The following TRDMT1 variants were observed in gnomAD, a reference collection of about 807,000 sequenced individuals.
The protein encoded by TRDMT1 is tRNA aspartic acid methyltransferase 1.
In TRDMT1, 49 loss-of-function variants were observed where a neutral mutation model predicts 51.2. The observed-to-expected ratio is 0.96, with a 90% CI of 0.76 to 1.21. The LOEUF (loss-of-function observed/expected upper bound fraction) is 1.21. Ranked by LOEUF, TRDMT1 falls within the 50% of genes most tolerant of loss-of-function variation. TRDMT1 has a pLI of 0.00. For missense variants in TRDMT1, 534 were observed against 462.3 expected (o/e 1.16, Z -1.42); for synonymous variants, 187 against 164.6 (o/e 1.14, Z -1.04).
At chr10:17,195,988 A>G (rs1273555792) in intron 1 of TRDMT1, among the ~76,000 whole-genome samples, 1 of 152,246 alleles carries the variant, frequency 6.6e-6, no homozygotes, top group African/African-American at 2.4e-5. Flanking sequence ...CTGATGCTAT[A>G]AAAATATCCT....
chr10:17,167,682 A>T (rs528518623), intron 3 of TRDMT1, among the ~76,000 whole-genome samples: 6 of 152,330 alleles, frequency 3.9e-5, no homozygotes, highest in Admixed American at 2.0e-4. Context: ...GTTGCTATGA[A>T]AAGTCAGAAT....
intron 1 of TRDMT1, among the ~76,000 whole-genome samples, chr10:17,179,859 T>A (rs1016751344): frequency 4.0e-5 from 6 of 151,664 alleles, no homozygotes; most frequent in African/African-American, 1.5e-4. Flanking sequence ...AACCCTAGAA[T>A]GAAAGAGAGA....
rs1258777533 is a variant in TRDMT1, at chr10:17,142,921, C to G, written c.*6119G>C. 1.1e-6 allele frequency: 1 copy of G among 892,140 alleles called. No individual in the cohort carries two copies. Among genetic ancestry groups the G allele is most frequent in the African/African-American group, 1.8e-5 (1 of 55,346 alleles). 55.3% of individuals were successfully genotyped at this position (892,140 alleles called of 1,614,324 possible). On this transcript the variant is annotated 3_prime_UTR_variant, in exon 11 of 11. Coordinates refer to ENST00000377799, the MANE Select transcript of TRDMT1 (RefSeq NM_004412.7). ...TACTTACCCAGAGTTTATAATTACACTTTTCAGGGAGGAGCAGGGAGAAAT... is the reference window on the plus strand; with the variant it reads ...TACTTACCCAGAGTTTATAATTACAGTTTTCAGGGAGGAGCAGGGAGAAAT...
Position 17,143,153 on chromosome 10 carries a change from A to T in TRDMT1, c.*5887T>A. On this transcript the variant is annotated 3_prime_UTR_variant, in exon 11 of 11. Coordinates refer to ENST00000377799, the MANE Select transcript of TRDMT1 (RefSeq NM_004412.7). ...AAATAGTTTTCAAGAGAACAACTTA[A>T]AGACATTGTTTGAACTCCACAGTGT... 2.0e-6 allele frequency: 2 copies of T among 985,416 alleles called. No individual in the cohort carries two copies. Among genetic ancestry groups the T allele is most frequent in the Non-Finnish European group, 1.2e-6 (1 of 829,924 alleles). The allele number at this position is 985,416 out of a possible 1,614,324, so 61.0% of individuals were successfully genotyped here. A position where few individuals can be genotyped will look rare whatever the true frequency, so the allele number is the denominator to read the frequency against.
chr10:17,174,910 C>T (rs764834268), intron 1 of TRDMT1, among the ~76,000 whole-genome samples: 1 of 152,124 alleles, frequency 6.6e-6, no homozygotes, highest in Non-Finnish European at 1.5e-5. Context: ...TAGTGCTTAC[C>T]TCTTATATTT....
At chr10:17,154,091 A>G (rs1409541697) in intron 9 of TRDMT1, among the ~76,000 whole-genome samples, 1 of 152,222 alleles carries the variant, frequency 6.6e-6, no homozygotes, top group African/African-American at 2.4e-5. Context: ...TCTCAAATCC[A>G]GATATTCAAT....
intron 7 of TRDMT1, among the ~76,000 whole-genome samples, chr10:17,158,933 ATTGTT>A (rs1316228978): frequency 1.3e-5 from 2 of 152,268 alleles, no homozygotes; most frequent in East Asian, 3.9e-4. Flanking sequence ...AAAAAGAAAC[ATTGTT>A]TTGTTTTGTT....
At chr10:17,182,092 C>G (rs1413673015) in intron 1 of TRDMT1, among the ~76,000 whole-genome samples, 1 of 152,174 alleles carries the variant, frequency 6.6e-6, no homozygotes, top group East Asian at 1.9e-4. Flanking sequence ...TGACCCCTGG[C>G]TTTTTCTTGT....
In TRDMT1 at chr10:17,141,140, T is replaced by C. The variant is rs986038202; in HGVS notation, c.*7900A>G. Among the ~76,000 whole-genome samples the C allele has an allele frequency of 2.0e-5, 3 of 152,194 alleles. No homozygotes were observed. The highest frequency in any genetic ancestry group is 4.4e-5 in the Non-Finnish European group (3 of 68,032). ...GTGTCCCCCGCCCCATGGCAACGTGTCATTTTTCTCCAGCTGCTTTTATTT... is the reference window on the plus strand; with the variant it reads ...GTGTCCCCCGCCCCATGGCAACGTGCCATTTTTCTCCAGCTGCTTTTATTT... On this transcript the variant is annotated 3_prime_UTR_variant, in exon 11 of 11. Coordinates refer to ENST00000377799, the MANE Select transcript of TRDMT1 (RefSeq NM_004412.7).
chr10:17,182,966 T>G (rs1172414884), intron 1 of TRDMT1, among the ~76,000 whole-genome samples: 1 of 152,218 alleles, frequency 6.6e-6, no homozygotes, highest in East Asian at 1.9e-4. Context: ...ATGAACACTG[T>G]CTAATGCCAG....
rs183696328 is a variant in TRDMT1 at position 17,194,996 on chromosome 10, G to A, written c.64+6575C>T. 6.7e-5 allele frequency among the ~76,000 whole-genome samples: 10 copies of A among 148,718 alleles called. No homozygotes were observed. In the East Asian group the frequency reaches 7.8e-4, roughly 12 times the overall value. On this transcript the variant is annotated intron_variant, in intron 1 of 10. Transcript: ENST00000377799. Reference sequence around the variant, plus strand: ...TGCTGGCAAGGCTGCGGAGAAAAGGGAACCCTTATGCACTGTTGATGGGAA... The same window carrying A: ...TGCTGGCAAGGCTGCGGAGAAAAGGAAACCCTTATGCACTGTTGATGGGAA...
At position 17,138,185 on chromosome 10, in the gene TRDMT1, CTTTT is replaced by C. The variant is rs1269398660; in HGVS notation, c.*10851_*10854del. Reference sequence around the variant, plus strand: ...TTATAGCTTCAATCTGGCTTTTGTGCTTTTTTTAGTCCCTTTTCATTTTCATATC... The same window carrying C: ...TTATAGCTTCAATCTGGCTTTTGTGCTTTAGTCCCTTTTCATTTTCATATC... On this transcript the variant is annotated 3_prime_UTR_variant, in exon 11 of 11. Transcript: ENST00000377799. 6.6e-6 allele frequency among the ~76,000 whole-genome samples: 1 copy of C among 152,116 alleles called. No individual in the cohort carries two copies. The highest frequency in any genetic ancestry group is 1.5e-5 in the Non-Finnish European group (1 of 68,026).
At chr10:17,177,891 A>C (rs1842811254) in intron 1 of TRDMT1, among the ~76,000 whole-genome samples, 1 of 152,154 alleles carries the variant, frequency 6.6e-6, no homozygotes. Context: ...TAAATAAAAA[A>C]ATTTAACTGT....
rs573745144 is a variant in TRDMT1 at position 17,184,811 on chromosome 10, G to A, written c.65-10151C>T. Among the ~76,000 whole-genome samples, 53 of 152,198 alleles carry A rather than the reference G, an allele frequency of 3.5e-4. 1 individual carries two copies. The highest frequency in any genetic ancestry group is 2.5e-3 in the Admixed American group (38 of 15,284). On this transcript the variant is annotated intron_variant, in intron 1 of 10. Coordinates refer to ENST00000377799, the MANE Select transcript of TRDMT1 (RefSeq NM_004412.7). The stretch of plus-strand genomic sequence containing the variant: ...TTTCCACTAAGCCACACAGTATTCA[G>A]CATTAGGCATTCTTATTTTATTTTT...
At chr10:17,149,545 T>C (rs1318683966) in intron 10 of TRDMT1, among the ~76,000 whole-genome samples, 1 of 152,146 alleles carries the variant, frequency 6.6e-6, no homozygotes, top group Non-Finnish European at 1.5e-5. Flanking sequence ...ATTAAGAGGT[T>C]GTTAGTATAG....
intron 10 of TRDMT1, chr10:17,150,998 T>G: frequency 1.0e-6 from 1 of 983,410 alleles, no homozygotes; most frequent in Non-Finnish European, 1.2e-6. Flanking sequence ...TATATCTATG[T>G]GTGTGTGCAT....
chr10:17,144,831 G>A lies in TRDMT1; in HGVS notation c.*4209C>T. On this transcript the variant is annotated 3_prime_UTR_variant, in exon 11 of 11. Transcript: ENST00000377799. ...TACTTTTTCTTTTTTTTTTTAAACT[G>A]AAGCTTTAAAATTTCACCAGCAAAG... 1 of 984,224 alleles carries A rather than the reference G, an allele frequency of 1.0e-6. No homozygotes were observed. Among genetic ancestry groups the A allele is most frequent in the Non-Finnish European group, 1.2e-6 (1 of 829,622 alleles). The allele number at this position is 984,224 out of a possible 1,614,324, so 61.0% of individuals were successfully genotyped here.
intron 5 of TRDMT1, among the ~76,000 whole-genome samples, chr10:17,161,268 T>C (rs1489016488): frequency 2.6e-5 from 4 of 152,106 alleles, no homozygotes; most frequent in Non-Finnish European, 5.9e-5. Flanking sequence ...TTAGAAAATA[T>C]CAAAATAGAA....
chr10:17,153,042 C>T (rs1838974645), intron 10 of TRDMT1: 2 of 167,016 alleles, frequency 1.2e-5, no homozygotes, highest in African/African-American at 2.4e-5. Context: ...ACAGCTGACA[C>T]AGGTGTATCT....
Sources: gnomAD v4.1 joint callset for allele counts (sites outside exome capture counted in the v4.1 genomes callset) on GRCh38, gnomAD v4.1.1 for gene constraint, MANE v1.5 for transcripts, NCBI Gene and HGNC (gene_info 2026-07-23, HGNC 2026-07-21) for gene names.